The following CALN1 variants were observed in gnomAD, a reference collection of about 807,000 sequenced individuals.
CALN1 encodes the protein calcium-binding protein 8.
CALN1 carries 17 observed loss-of-function variants against 30.6 expected under a neutral mutation model. The ratio of observed to expected loss-of-function variants is 0.56; its 90% CI spans 0.38 to 0.83. The LOEUF is 0.83. Ranked by LOEUF, CALN1 falls within the 40% of genes least tolerant of loss-of-function variation. The probability of loss-of-function intolerance (pLI) is 0.00; values close to 1 mark genes in which losing one functional copy is unlikely to be tolerated. For synonymous variants in CALN1, 156 were observed against 131.4 expected, an observed-to-expected ratio of 1.19 and a Z score of -1.28; for missense variants, 291 against 354.9, an observed-to-expected ratio of 0.82 and a Z score of 1.45.
intron 5 of CALN1, among the ~76,000 whole-genome samples, chr7:72,017,455 C>G (rs1212053151): frequency 6.6e-6 from 1 of 152,106 alleles, no homozygotes; most frequent in Non-Finnish European, 1.5e-5. Context: ...GAACGAGTAC[C>G]CTATGCACTT....
rs550456934 is a variant in CALN1, at chr7:72,142,109, T to C, written c.245-35815A>G. On this transcript the variant is annotated intron_variant, in intron 3 of 6. Coordinates refer to ENST00000395275, the MANE Select transcript of CALN1 (RefSeq NM_031468.4). The stretch of plus-strand genomic sequence containing the variant: ...GGTACCGGGTTCATCTCACTGGGGA[T>C]TGTCAGACAGTGGGTGCAGGACAGT... 8.5e-3 allele frequency among the ~76,000 whole-genome samples: 1,298 copies of C among 152,136 alleles called. 4 individuals carry two copies. The highest frequency in any genetic ancestry group is 0.017 in the Middle Eastern group (5 of 294).
chr7:72,452,947 T>C, the CALN1 span, among the ~76,000 whole-genome samples: 4 of 152,040 alleles, frequency 2.6e-5, no homozygotes, highest in Non-Finnish European at 2.9e-5. Context: ...TCCTGTTAGA[T>C]TCAGTCAAAG....
At chr7:72,105,014 T>G (rs913801927) in intron 4 of CALN1, among the ~76,000 whole-genome samples, 1 of 150,992 alleles carries the variant, frequency 6.6e-6, no homozygotes, top group African/African-American at 2.4e-5. Context: ...AAGATAAAAA[T>G]GTTAAAATAG....
At chr7:72,039,080 C>G (rs969742175) in intron 4 of CALN1, among the ~76,000 whole-genome samples, 1 of 152,218 alleles carries the variant, frequency 6.6e-6, no homozygotes, top group Non-Finnish European at 1.5e-5. Flanking sequence ...GCTAGAACTA[C>G]AGGTGTGAGC....
rs146514387 is a variant in CALN1, at chr7:72,426,192, G to A, written c.-225-13917C>T. 4.0e-3 allele frequency among the ~76,000 whole-genome samples: 611 copies of A among 152,360 alleles called. 3 individuals carry two copies. The highest frequency in any genetic ancestry group is 0.012 in the African/African-American group (499 of 41,590). Reference sequence around the variant, plus strand: ...CACCTGGATGAAGGGCCAGAAGAAGGTGAGGGGCCCAGGCCCAGCCCAGCC... The same window carrying A: ...CACCTGGATGAAGGGCCAGAAGAAGATGAGGGGCCCAGGCCCAGCCCAGCC... On this transcript the variant is annotated intron_variant, in intron 1 of 6. Transcript: ENST00000395276.
At chr7:72,304,849 A>G (rs752983215) in intron 2 of CALN1, among the ~76,000 whole-genome samples, 1 of 152,210 alleles carries the variant, frequency 6.6e-6, no homozygotes, top group Non-Finnish European at 1.5e-5. Flanking sequence ...CTGTTGTTGT[A>G]TATTTAGTTG....
chr7:71,890,653 A>G (rs1438851442), intron 5 of CALN1, among the ~76,000 whole-genome samples: 2 of 151,980 alleles, frequency 1.3e-5, no homozygotes, highest in East Asian at 1.9e-4. Flanking sequence ...TCTCTTTCCA[A>G]TATCTTTCCA....
chr7:71,948,256 T>C (rs35083558), intron 5 of CALN1, among the ~76,000 whole-genome samples: 24,136 of 151,990 alleles, frequency 0.16, 2,260 homozygotes, highest in Non-Finnish European at 0.23. Context: ...GAGGACCACA[T>C]AGTCTCTTCC....
chr7:72,278,472 T>TACATACAC (rs1276922819), intron 3 of CALN1, among the ~76,000 whole-genome samples: 1 of 143,982 alleles, frequency 6.9e-6, no homozygotes, highest in Non-Finnish European at 1.5e-5. Flanking sequence ...ATCAGGTCTG[T>TACATACAC]ACACACACAC....
At chr7:71,911,202 A>G (rs1794407293) in intron 5 of CALN1, among the ~76,000 whole-genome samples, 1 of 152,202 alleles carries the variant, frequency 6.6e-6, no homozygotes, top group Non-Finnish European at 1.5e-5. Context: ...ATTGAAACCC[A>G]AACCAGGCCC....
chr7:72,393,094 G>A (rs1405786220), intron 2 of CALN1, among the ~76,000 whole-genome samples: 1 of 152,082 alleles, frequency 6.6e-6, no homozygotes, highest in Non-Finnish European at 1.5e-5. Context: ...TTCTAATGAA[G>A]GACAATTACA....
chr7:72,297,117 G>C (rs919598709), intron 2 of CALN1, among the ~76,000 whole-genome samples: 3 of 152,044 alleles, frequency 2.0e-5, no homozygotes, highest in Admixed American at 1.3e-4. Flanking sequence ...AGAGACTCTG[G>C]TATGTTGTGT....
At chr7:71,944,257 G>A (rs1474957263) in intron 5 of CALN1, among the ~76,000 whole-genome samples, 2 of 152,030 alleles carry the variant, frequency 1.3e-5, no homozygotes, top group Non-Finnish European at 2.9e-5. Flanking sequence ...GATCAACTTG[G>A]GCAACATGGT....
intron 5 of CALN1, among the ~76,000 whole-genome samples, chr7:72,017,601 A>G (rs1235491442): frequency 6.6e-6 from 1 of 152,202 alleles, no homozygotes; most frequent in Non-Finnish European, 1.5e-5. Context: ...AGTCCTGAGC[A>G]TGCAAAAAGA....
At chr7:72,181,105 C>CCT (rs1554308647) in intron 3 of CALN1, among the ~76,000 whole-genome samples, 5 of 89,900 alleles carry the variant, frequency 5.6e-5, no homozygotes, top group East Asian at 4.2e-4. Flanking sequence ...AACCCCCCCC[C>CCT]CCCCCAAAAA....
chr7:71,998,144 T>G (rs1288969378), intron 5 of CALN1, among the ~76,000 whole-genome samples: 83 of 152,074 alleles, frequency 5.5e-4, no homozygotes, highest in Non-Finnish European at 4.4e-5. Flanking sequence ...ATTTTACATC[T>G]GGCAAAATTA....
the CALN1 span, among the ~76,000 whole-genome samples, chr7:72,462,636 C>T: frequency 5.3e-5 from 8 of 152,322 alleles, 1 homozygote; most frequent in African/African-American, 1.7e-4. Flanking sequence ...CAGCTCACAG[C>T]GGGACTGGAC....
chr7:71,931,739 G>A lies in CALN1; in HGVS notation c.501+91918C>T, dbSNP rs186872068. On this transcript the variant is annotated intron_variant, in intron 5 of 6. Transcript: ENST00000395275. ...GTCATAACTGTGGATAGTTAGACAG[G>A]GATTCTCTTTGAGGAGGGTGATGAT... Among the ~76,000 whole-genome samples the A allele has an allele frequency of 7.2e-5, 11 of 152,276 alleles. No individual in the cohort carries two copies. The East Asian group carries it at 1.5e-3, about 21-fold the overall frequency.
intron 5 of CALN1, among the ~76,000 whole-genome samples, chr7:71,839,350 G>A (rs1487482698): frequency 6.6e-6 from 1 of 152,114 alleles, no homozygotes; most frequent in Non-Finnish European, 1.5e-5. Context: ...TGGCCAACAT[G>A]ATGAAATCCC....
Sources: allele counts gnomAD v4.1 joint callset (sites outside exome capture counted in the v4.1 genomes callset), GRCh38; gene constraint gnomAD v4.1.1; transcripts MANE v1.5; gene names NCBI Gene and HGNC (gene_info 2026-07-23, HGNC 2026-07-21).